Variants in MMP8 observed in about 807,000 individuals in gnomAD.
The protein encoded by MMP8 is matrix metallopeptidase 8, also known as neutrophil collagenase.
MMP8 carries 67 observed loss-of-function variants against 51.2 expected under a neutral mutation model. The ratio of observed to expected loss-of-function variants is 1.31; its 90% CI spans 1.08 to 1.60. The LOEUF (loss-of-function observed/expected upper bound fraction) is 1.60. Ranked by LOEUF, MMP8 falls within the 40% of genes most tolerant of loss-of-function variation. The probability of loss-of-function intolerance (pLI) is 0.00; values close to 1 mark genes in which losing one functional copy is unlikely to be tolerated. For missense variants in MMP8, 654 were observed against 558.1 expected (o/e 1.17, Z -1.73); for synonymous variants, 225 against 191.0 (o/e 1.18, Z -1.47).
rs2134289825 is a variant in MMP8 at position 102,713,235 on chromosome 11, G to A, written c.*113C>T. On this transcript the variant is annotated 3_prime_UTR_variant, in exon 10 of 10. Coordinates refer to ENST00000236826, the MANE Select transcript of MMP8 (RefSeq NM_002424.3). Reference sequence around the variant, plus strand: ...ACAGGTAGAATGGATACAGTGATGGGAAACAATGACTTAATATTGAGAAAA... The same window carrying A: ...ACAGGTAGAATGGATACAGTGATGGAAAACAATGACTTAATATTGAGAAAA... The A allele has an allele frequency of 1.4e-6, 1 of 709,472 alleles. No individual in the cohort carries two copies. The highest frequency in any genetic ancestry group is 1.7e-5 in the South Asian group (1 of 58,510). 43.9% of individuals were successfully genotyped at this position (709,472 alleles called of 1,614,324 possible). A position where few individuals can be genotyped will look rare whatever the true frequency, so the allele number is the denominator to read the frequency against.
chr11:102,714,725 G>A lies in MMP8; in HGVS notation c.1037-16C>T, dbSNP rs1357008315. The A allele has an allele frequency of 2.2e-6, 3 of 1,372,988 alleles. No homozygotes were observed. Among genetic ancestry groups the A allele is most frequent in the African/African-American group, 1.6e-5 (1 of 61,608 alleles). The allele number at this position is 1,372,988 out of a possible 1,614,324, so 85.1% of individuals were successfully genotyped here. A position where few individuals can be genotyped will look rare whatever the true frequency, so the allele number is the denominator to read the frequency against. ...TATTGGTTGCCTGTCAATGATTCAG[G>A]TTAAGTGTTAAATACGACTTTTCCA... On this transcript the variant is annotated splice_polypyrimidine_tract_variant and intron_variant, in intron 7 of 9. Coordinates refer to ENST00000236826, the MANE Select transcript of MMP8 (RefSeq NM_002424.3).
chr11:102,714,094 A>T, intron 8 of MMP8, among the ~76,000 whole-genome samples: 1 of 152,184 alleles, frequency 6.6e-6, no homozygotes, highest in East Asian at 1.9e-4. Context: ...CACTGTTATT[A>T]CCCAAAGTAA....
chr11:102,714,548 T>G lies in MMP8; in HGVS notation c.1190+8A>C. The G allele has an allele frequency of 7.0e-7, 1 of 1,427,780 alleles. No individual in the cohort carries two copies. The highest frequency in any genetic ancestry group is 1.6e-5 in the South Asian group (1 of 61,616). 88.4% of individuals were successfully genotyped at this position (1,427,780 alleles called of 1,614,324 possible). Reference sequence around the variant, plus strand: ...TCAACCTATAATTGAAAAAATAGTTTACGTTACCTCCAGAATTGGTCATTT... The same window carrying G: ...TCAACCTATAATTGAAAAAATAGTTGACGTTACCTCCAGAATTGGTCATTT... On this transcript the variant is annotated splice_region_variant and intron_variant, in intron 8 of 9. Coordinates refer to ENST00000236826, the MANE Select transcript of MMP8 (RefSeq NM_002424.3).
chr11:102,713,748 A>G lies in MMP8; in HGVS notation c.1294+6T>C, dbSNP rs1268468335. ...CACATTTATTAGGTTTTTTTTTCCT[A>G]CTTACGTTCTTGCTGGAAAACTGCA... On this transcript the variant is annotated splice_donor_region_variant and intron_variant, in intron 9 of 9. Coordinates refer to ENST00000236826, the MANE Select transcript of MMP8 (RefSeq NM_002424.3). 2 of 1,579,850 alleles carry G rather than the reference A, an allele frequency of 1.3e-6. No individual in the cohort carries two copies. The highest frequency in any genetic ancestry group is 1.7e-6 in the Non-Finnish European group (2 of 1,160,736).
In MMP8 at chr11:102,722,757, A is replaced by G. The variant is rs1035478662; in HGVS notation, c.103-84T>C. The G allele has an allele frequency of 3.9e-6, 6 of 1,542,574 alleles. No homozygotes were observed. The African/African-American group carries it at 8.3e-5, about 21-fold the overall frequency. Reference sequence around the variant, plus strand: ...ATTTTGCAACCCTTTCTAAGTTACTACAGAGGTCTGATAACTTGACAGCCA... The same window carrying G: ...ATTTTGCAACCCTTTCTAAGTTACTGCAGAGGTCTGATAACTTGACAGCCA... On this transcript the variant is annotated intron_variant, in intron 1 of 9. Transcript: ENST00000236826.
intron 4 of MMP8, among the ~76,000 whole-genome samples, chr11:102,720,237 C>T (rs1004472144): frequency 3.9e-5 from 6 of 152,176 alleles, no homozygotes; most frequent in African/African-American, 1.4e-4. Context: ...AACTTTTAAG[C>T]ATGAGAGTGA....
At position 102,712,192 on chromosome 11, in the gene MMP8, A is replaced by T. The variant is rs1437600103; in HGVS notation, c.*1156T>A. On this transcript the variant is annotated 3_prime_UTR_variant, in exon 10 of 10. Transcript: ENST00000236826. The stretch of plus-strand genomic sequence containing the variant: ...TGTGTGCCCTCCTGAGTACCCCAGG[A>T]AATAGAAGTAAAGAACTGACGAACA... 1 of 152,184 alleles carries T rather than the reference A, an allele frequency of 6.6e-6. No individual in the cohort carries two copies. The highest frequency in any genetic ancestry group is 1.5e-5 in the Non-Finnish European group (1 of 68,034). 9.4% of individuals were successfully genotyped at this position (152,184 alleles called of 1,614,324 possible).
At position 102,713,464 on chromosome 11, in the gene MMP8, A is replaced by T; in HGVS notation, c.1295-7T>A. ...CTGAAGACATGGAAGAAATCTATAA[A>T]AAAAGAGAGATAATTTATTGAATTA... On this transcript the variant is annotated splice_region_variant and splice_polypyrimidine_tract_variant and intron_variant, in intron 9 of 9. Transcript: ENST00000236826. 1 of 1,589,934 alleles carries T rather than the reference A, an allele frequency of 6.3e-7. No individual in the cohort carries two copies. Among genetic ancestry groups the T allele is most frequent in the Non-Finnish European group, 8.6e-7 (1 of 1,158,300 alleles).
chr11:102,721,682 G>T lies in MMP8; in HGVS notation c.428C>A (p.Ala143Glu), dbSNP rs781390886. 8 of 1,613,760 alleles carry T rather than the reference G, an allele frequency of 5.0e-6. No homozygotes were observed. The Admixed American group carries it at 1.3e-4, about 27-fold the overall frequency. Residue 143 changes from alanine to glutamate, a missense_variant, in exon 3 of 10, where the codon GCA becomes GAA. By Grantham distance (107) the Ala-to-Glu change is moderately radical (BLOSUM62 -1). Transcript: ENST00000236826. ...IKDAFELWSV[A>E]SPLIFTRISQ... is the part of the protein sequence containing the mutation. ...GATCCTGGTGAAGATGAGAGGTGATGCAACACTCCAGAGTTCAAAGGCATC... is the reference window on the plus strand; with the variant it reads ...GATCCTGGTGAAGATGAGAGGTGATTCAACACTCCAGAGTTCAAAGGCATC...
chr11:102,723,114 T>G, intron 1 of MMP8: 1 of 1,180,044 alleles, frequency 8.5e-7, no homozygotes, highest in Non-Finnish European at 1.1e-6. Flanking sequence ...AATTAAGGAA[T>G]TTTCCAAGTG....
chr11:102,721,952 C>T (rs143391529), intron 2 of MMP8, among the ~76,000 whole-genome samples, 190 bp from the exon 3 acceptor site: 1 of 152,206 alleles, frequency 6.6e-6, no homozygotes, highest in Non-Finnish European at 1.5e-5. Flanking sequence ...GTCTTTAAAC[C>T]TCAGTTTCCT....
In MMP8 at chr11:102,714,600, GA is replaced by G; in HGVS notation, c.1145del (p.Phe382SerfsTer10). 1.3e-6 allele frequency: 2 copies of G among 1,519,076 alleles called. No individual in the cohort carries two copies. The highest frequency in any genetic ancestry group is 1.8e-6 in the Non-Finnish European group (2 of 1,135,870). 94.1% of individuals were successfully genotyped at this position (1,519,076 alleles called of 1,614,324 possible). ...SSVQAIDAAV[F>X]YRSKTYFFVN... Reference sequence around the variant, plus strand: ...CAAAGAAGTATGTTTTACTTCTGTAGAAAACAGCTGCGTCAATTGCTTGGAC... The same window carrying G: ...CAAAGAAGTATGTTTTACTTCTGTAGAAACAGCTGCGTCAATTGCTTGGAC... On this transcript the variant is annotated frameshift_variant, in exon 8 of 10. Coordinates refer to ENST00000236826, the MANE Select transcript of MMP8 (RefSeq NM_002424.3). LOFTEE classifies it high-confidence loss of function.
chr11:102,721,903 G>A, intron 2 of MMP8, 141 bp from the exon 3 acceptor site: 1 of 931,720 alleles, frequency 1.1e-6, no homozygotes, highest in Non-Finnish European at 1.6e-6. Context: ...CAGGTCTCAG[G>A]GTGGAGGACA....
intron 6 of MMP8, 27 bp downstream of exon 6, chr11:102,716,275 A>C (rs1861289766): frequency 6.8e-7 from 1 of 1,473,268 alleles, no homozygotes; most frequent in Non-Finnish European, 9.4e-7. Flanking sequence ...AAGAGGAATC[A>C]AAGGAAGAAA....
At chr11:102,715,282 G>C in intron 7 of MMP8, 22 bp downstream of exon 7, 1 of 1,600,390 alleles carries the variant, frequency 6.2e-7, no homozygotes, top group Non-Finnish European at 8.5e-7. Context: ...ACTAACATAA[G>C]ATGAAAACTT....
intron 4 of MMP8, among the ~76,000 whole-genome samples, chr11:102,721,079 G>A (rs1438245138): frequency 4.6e-5 from 7 of 152,116 alleles, no homozygotes; most frequent in African/African-American, 1.7e-4. Context: ...TTATGATATA[G>A]AAACAAATAA....
chr11:102,713,890 C>A, intron 8 of MMP8, 33 bp from the exon 9 acceptor site: 1 of 1,531,850 alleles, frequency 6.5e-7, no homozygotes, highest in South Asian at 1.2e-5. Context: ...CGATTTAACA[C>A]CAATACAGAA....
chr11:102,719,479 A>T (rs1158568920), intron 4 of MMP8, among the ~76,000 whole-genome samples: 2 of 152,194 alleles, frequency 1.3e-5, no homozygotes, highest in East Asian at 3.9e-4. Flanking sequence ...CTGAAGTTTT[A>T]TTAACAATAT....
intron 4 of MMP8, 83 bp downstream of exon 4, chr11:102,721,318 T>TTG (rs5794191): frequency 0.035 from 44,099 of 1,242,346 alleles, 18 homozygotes; most frequent in South Asian, 0.055. Context: ...GTTACCTTTA[T>TTG]TGTGTGTGTG....
Sources: allele counts gnomAD v4.1 joint callset (sites outside exome capture counted in the v4.1 genomes callset), GRCh38; gene constraint gnomAD v4.1.1; transcripts MANE v1.5; gene names NCBI Gene and HGNC (gene_info 2026-07-23, HGNC 2026-07-21).